The following NKAIN2 variants were observed in gnomAD, a reference collection of about 807,000 sequenced individuals.
NKAIN2 encodes sodium/potassium transporting ATPase interacting 2.
Under a neutral mutation model 32.6 loss-of-function variants are expected in NKAIN2, and 14 were observed. That is an observed-to-expected ratio of 0.43 (90% confidence interval 0.28 to 0.67). NKAIN2 has a LOEUF of 0.67. NKAIN2 is among the 30% of genes least tolerant of loss of function. NKAIN2 has a pLI of 0.17. For missense variants in NKAIN2, 198 were observed against 258.3 expected, an observed-to-expected ratio of 0.77 and a Z score of 1.60; for synonymous variants, 80 against 87.2, an observed-to-expected ratio of 0.92 and a Z score of 0.46.
intron 3 of NKAIN2, among the ~76,000 whole-genome samples, chr6:124,639,287 A>G (rs1163450884): frequency 1.3e-5 from 2 of 152,206 alleles, no homozygotes; most frequent in Admixed American, 6.5e-5. Flanking sequence ...TTTCAGTACT[A>G]TCCACAATAG....
In NKAIN2 at chr6:124,272,241, G is replaced by A. The variant is rs570101873; in HGVS notation, c.55-10764G>A. 2.6e-5 allele frequency among the ~76,000 whole-genome samples: 4 copies of A among 152,308 alleles called. No individual in the cohort carries two copies. In the South Asian group the frequency reaches 8.3e-4, roughly 32 times the overall value. ...ACGCAGCCCTCCCATCACAGGCCCA[G>A]AGGCCTAGGAGGAAAAATTGTATTC... On this transcript the variant is annotated intron_variant, in intron 1 of 6. Coordinates refer to ENST00000368417, the MANE Select transcript of NKAIN2 (RefSeq NM_001040214.3).
At chr6:124,445,744 AG>A (rs1443565444) in intron 3 of NKAIN2, among the ~76,000 whole-genome samples, 1 of 149,630 alleles carries the variant, frequency 6.7e-6, no homozygotes, top group Non-Finnish European at 1.5e-5. Context: ...GGGAAAAGAG[AG>A]GAAAAAAGAA....
chr6:124,363,176 C>T (rs555076509), intron 3 of NKAIN2, among the ~76,000 whole-genome samples: 2 of 152,042 alleles, frequency 1.3e-5, no homozygotes, highest in African/African-American at 4.8e-5. Context: ...ATAAATTGAC[C>T]ATGAGATAAA....
chr6:124,288,348 G>T (rs1316139989), intron 2 of NKAIN2, among the ~76,000 whole-genome samples: 1 of 152,162 alleles, frequency 6.6e-6, no homozygotes, highest in East Asian at 1.9e-4. Flanking sequence ...ATGAACAAAG[G>T]TGCTGTTAAG....
chr6:123,805,021 G>T (rs1375089546), intron 1 of NKAIN2, among the ~76,000 whole-genome samples: 2 of 152,144 alleles, frequency 1.3e-5, no homozygotes, highest in Non-Finnish European at 2.9e-5. Flanking sequence ...GAGGAATGTT[G>T]TACAGTTGCA....
At chr6:124,192,565 C>T (rs1367485502) in intron 1 of NKAIN2, among the ~76,000 whole-genome samples, 2 of 152,032 alleles carry the variant, frequency 1.3e-5, no homozygotes, top group Non-Finnish European at 2.9e-5. Flanking sequence ...GTACATCCCA[C>T]TGTTGTTATG....
Position 123,833,330 on chromosome 6 carries a change from G to C in NKAIN2, c.54+29076G>C, listed in dbSNP as rs142827784. ...TCTTTAGGCAATACCATATTTTTTT[G>C]ATGATTGTAGCTTTATGGGCAGTAC... On this transcript the variant is annotated intron_variant, in intron 1 of 6. Transcript: ENST00000368417. 1.2e-3 allele frequency among the ~76,000 whole-genome samples: 188 copies of C among 152,040 alleles called. 1 individual carries two copies. The highest frequency in any genetic ancestry group is 4.3e-3 in the African/African-American group (179 of 41,502).
At chr6:124,660,940 A>C (rs1784723893) in intron 4 of NKAIN2, among the ~76,000 whole-genome samples, 1 of 152,246 alleles carries the variant, frequency 6.6e-6, no homozygotes, top group Non-Finnish European at 1.5e-5. Flanking sequence ...TGTAATGATT[A>C]ATTGATGAAA....
chr6:124,513,837 G>A (rs899642393), intron 3 of NKAIN2, among the ~76,000 whole-genome samples: 9 of 151,998 alleles, frequency 5.9e-5, no homozygotes, highest in East Asian at 3.9e-4. Context: ...TAACCTAACC[G>A]GATTCCACAT....
intron 4 of NKAIN2, among the ~76,000 whole-genome samples, chr6:124,725,960 A>T (rs993522400): frequency 6.6e-6 from 1 of 152,224 alleles, no homozygotes; most frequent in African/African-American, 2.4e-5. Flanking sequence ...GGCACCTTGA[A>T]AATTGGGTCA....
chr6:124,745,903 T>A (rs963493725), intron 4 of NKAIN2, among the ~76,000 whole-genome samples: 1 of 151,890 alleles, frequency 6.6e-6, no homozygotes, highest in Non-Finnish European at 1.5e-5. Context: ...TACATTTTTT[T>A]AAAAAGCCAA....
intron 2 of NKAIN2, among the ~76,000 whole-genome samples, chr6:124,304,686 T>TG (rs756086767): frequency 8.6e-5 from 13 of 151,528 alleles, no homozygotes; most frequent in Non-Finnish European, 1.2e-4. Context: ...GAGGCCAAGG[T>TG]GGGGGGATCA....
chr6:123,924,394 A>G (rs1042628106), intron 1 of NKAIN2, among the ~76,000 whole-genome samples: 1 of 152,234 alleles, frequency 6.6e-6, no homozygotes, highest in Non-Finnish European at 1.5e-5. Context: ...TGTGACTTTA[A>G]ATCATTTAGC....
intron 3 of NKAIN2, among the ~76,000 whole-genome samples, chr6:124,487,971 G>A (rs1203215000): frequency 4.6e-5 from 7 of 152,044 alleles, no homozygotes; most frequent in Non-Finnish European, 1.0e-4. Flanking sequence ...GTTATTCAGA[G>A]TGATGTTTGT....
intron 3 of NKAIN2, among the ~76,000 whole-genome samples, chr6:124,428,401 TGA>T (rs959949426): frequency 1.2e-3 from 182 of 152,286 alleles, no homozygotes; most frequent in African/African-American, 4.2e-3. Flanking sequence ...ATGCCATATC[TGA>T]GAGACCAAAC....
chr6:124,452,083 C>T (rs554013715), intron 3 of NKAIN2, among the ~76,000 whole-genome samples: 8 of 151,696 alleles, frequency 5.3e-5, no homozygotes, highest in East Asian at 3.9e-4. Flanking sequence ...TAGTCCCAGC[C>T]GCTCAGGAGG....
At chr6:124,439,517 A>G (rs749215303) in intron 3 of NKAIN2, among the ~76,000 whole-genome samples, 1 of 151,920 alleles carries the variant, frequency 6.6e-6, no homozygotes, top group Non-Finnish European at 1.5e-5. Context: ...TTTTCCTCTT[A>G]AATACTTTCC....
At chr6:124,197,836 G>GT (rs1562416734) in intron 1 of NKAIN2, among the ~76,000 whole-genome samples, 18 of 82,606 alleles carry the variant, frequency 2.2e-4, no homozygotes, top group African/African-American at 7.3e-4. Context: ...ACCTGTGTCT[G>GT]GTTTTTTTTT....
chr6:124,445,375 T>TA (rs1775846570), intron 3 of NKAIN2, among the ~76,000 whole-genome samples: 1 of 152,092 alleles, frequency 6.6e-6, no homozygotes, highest in African/African-American at 2.4e-5. Context: ...CTTTATGAAA[T>TA]AAAAACTTTA....
Sources: allele counts gnomAD v4.1 joint callset (sites outside exome capture counted in the v4.1 genomes callset), GRCh38; gene constraint gnomAD v4.1.1; transcripts MANE v1.5; gene names NCBI Gene and HGNC (gene_info 2026-07-23, HGNC 2026-07-21).